The following ADGRG7 variants were observed in gnomAD, a reference collection of about 807,000 sequenced individuals.
ADGRG7 encodes the protein G-protein coupled receptor 128.
A neutral mutation model predicts 88.6 loss-of-function variants in ADGRG7; 82 were observed. The ratio of observed to expected loss-of-function variants is 0.93; its 90% CI spans 0.77 to 1.11. The LOEUF is 1.11. Ranked by LOEUF, ADGRG7 falls within the 50% of genes most tolerant of loss-of-function variation. The pLI, the probability that ADGRG7 is intolerant of heterozygous loss-of-function variation, is 0.00. For missense variants in ADGRG7, 945 were observed against 953.4 expected (o/e 0.99, Z 0.12); for synonymous variants, 381 against 345.2 (o/e 1.10, Z -1.15).
intron 15 of ADGRG7, among the ~76,000 whole-genome samples, chr3:100,682,088 G>A (rs1022577373): frequency 1.3e-5 from 2 of 152,278 alleles, no homozygotes; most frequent in East Asian, 3.9e-4. Context: ...GGGTACAGGC[G>A]CAGGCTGTGG....
chr3:100,678,829 T>C (rs1369342794), intron 15 of ADGRG7, among the ~76,000 whole-genome samples: 1 of 152,216 alleles, frequency 6.6e-6, no homozygotes, highest in East Asian at 1.9e-4. Context: ...TCTCTCTCTC[T>C]GTGCTGAGCT....
chr3:100,661,745 CTGTATA>C (rs1341126349), intron 14 of ADGRG7, among the ~76,000 whole-genome samples: 1 of 152,118 alleles, frequency 6.6e-6, no homozygotes, highest in East Asian at 1.9e-4. Flanking sequence ...CACAAGATTA[CTGTATA>C]TGAGCACTGA....
At chr3:100,667,037 T>C (rs1026404819) in intron 14 of ADGRG7, among the ~76,000 whole-genome samples, 3 of 152,144 alleles carry the variant, frequency 2.0e-5, no homozygotes, top group Admixed American at 6.6e-5. Flanking sequence ...TGGAGTCTCC[T>C]ATGTCTACTT....
At chr3:100,674,877 C>T (rs1291388998) in intron 15 of ADGRG7, among the ~76,000 whole-genome samples, 2 of 152,012 alleles carry the variant, frequency 1.3e-5, no homozygotes, top group African/African-American at 4.8e-5. Flanking sequence ...GTGCCCAGCC[C>T]TTAATTTCTT....
At position 100,609,654 on chromosome 3, in the gene ADGRG7, G is replaced by A. The variant is rs1576307966; in HGVS notation, c.-203G>A. On this transcript the variant is annotated 5_prime_UTR_variant, in exon 1 of 16. The change abolishes an upstream ATG in the 5' untranslated region. Coordinates refer to ENST00000273352, the MANE Select transcript of ADGRG7 (RefSeq NM_032787.3). ...GATGAGGAAATTGAAAGCAGAGTAT[G>A]CACCTTTTATTAGGAGATTCAAACT... 1.1e-5 allele frequency: 5 copies of A among 464,896 alleles called. No homozygotes were observed. Among genetic ancestry groups the A allele is most frequent in the African/African-American group, 6.0e-5 (3 of 50,196 alleles). 28.8% of individuals were successfully genotyped at this position (464,896 alleles called of 1,614,324 possible).
rs2094962676 is a variant in ADGRG7, at chr3:100,674,638, T to A, written c.2136+5533T>A. Among the ~76,000 whole-genome samples, 4 of 150,566 alleles carry A rather than the reference T, an allele frequency of 2.7e-5. No individual in the cohort carries two copies. The Admixed American group carries it at 2.7e-4, about 10-fold the overall frequency. On this transcript the variant is annotated intron_variant, in intron 15 of 15. Transcript: ENST00000273352. ...TGTCACCCAGGCTGGAGTGCAGTGGTGTAACATCTGCTCACTGCAACCTCC... is the reference window on the plus strand; with the variant it reads ...TGTCACCCAGGCTGGAGTGCAGTGGAGTAACATCTGCTCACTGCAACCTCC...
At chr3:100,655,813 G>A in intron 12 of ADGRG7, 86 bp from the exon 13 acceptor site, 1 of 804,194 alleles carries the variant, frequency 1.2e-6, no homozygotes, top group Non-Finnish European at 2.2e-6. Flanking sequence ...CCTGAAGAGG[G>A]TCAGATGTAT....
intron 5 of ADGRG7, 110 bp from the exon 6 acceptor site, chr3:100,637,192 T>C: frequency 1.4e-6 from 1 of 731,812 alleles, no homozygotes. Context: ...TCCCTCTACA[T>C]TATCATATCA....
intron 15 of ADGRG7, among the ~76,000 whole-genome samples, chr3:100,694,300 G>A (rs981746755): frequency 6.6e-6 from 1 of 152,168 alleles, no homozygotes; most frequent in African/African-American, 2.4e-5. Context: ...GAAAAGCAGT[G>A]ACTAGAAGGG....
intron 15 of ADGRG7, among the ~76,000 whole-genome samples, chr3:100,669,760 C>T (rs1295021681): frequency 2.6e-5 from 4 of 151,666 alleles, no homozygotes; most frequent in African/African-American, 9.7e-5. Context: ...ACTGGCCGGG[C>T]GTGGTGGCTC....
intron 15 of ADGRG7, among the ~76,000 whole-genome samples, chr3:100,687,395 C>T (rs945175474): frequency 1.7e-4 from 26 of 152,026 alleles, no homozygotes; most frequent in Non-Finnish European, 3.2e-4. Context: ...TTGCCCTGGC[C>T]AGAACTTCCA....
chr3:100,623,331 C>G (rs1707339017), intron 1 of ADGRG7, among the ~76,000 whole-genome samples: 1 of 151,980 alleles, frequency 6.6e-6, no homozygotes, highest in Non-Finnish European at 1.5e-5. Context: ...AAAACTTTCC[C>G]TTCTCAATTA....
chr3:100,694,501 C>G (rs779550888), intron 15 of ADGRG7, among the ~76,000 whole-genome samples: 1 of 152,142 alleles, frequency 6.6e-6, no homozygotes, highest in East Asian at 1.9e-4. Context: ...TAGTGGCAAC[C>G]CAGGACCTGA....
chr3:100,656,925 C>G lies in ADGRG7; in HGVS notation c.1823+930C>G, dbSNP rs113699562. ...TTAGGTTTTAAAATTTTAATGCCAC[C>G]AGTAGAAATATCTAATTAGAGATAC... On this transcript the variant is annotated intron_variant, in intron 13 of 15. Transcript: ENST00000273352. 8.6e-3 allele frequency among the ~76,000 whole-genome samples: 1,307 copies of G among 152,214 alleles called. 14 individuals are homozygous for G. The highest frequency in any genetic ancestry group is 0.019 in the African/African-American group (777 of 41,524).
intron 3 of ADGRG7, 134 bp downstream of exon 3, chr3:100,630,943 G>C: frequency 2.5e-6 from 1 of 404,518 alleles, no homozygotes; most frequent in Non-Finnish European, 4.4e-6. Flanking sequence ...ACTCCCTTTC[G>C]TGATGCTAAT....
chr3:100,644,187 TA>T (rs11388624), intron 8 of ADGRG7, among the ~76,000 whole-genome samples: 113 of 150,070 alleles, frequency 7.5e-4, no homozygotes, highest in African/African-American at 2.5e-3. Flanking sequence ...TTTCAAAATC[TA>T]AAAAAAAAAT....
intron 1 of ADGRG7, among the ~76,000 whole-genome samples, chr3:100,625,755 T>C (rs1707371880): frequency 6.6e-6 from 1 of 152,216 alleles, no homozygotes; most frequent in African/African-American, 2.4e-5. Context: ...TGAATTTTTA[T>C]TGAAGTCCTT....
chr3:100,630,891 G>A (rs1272314871), intron 3 of ADGRG7, 82 bp downstream of exon 3: 4 of 632,392 alleles, frequency 6.3e-6, no homozygotes, highest in Non-Finnish European at 1.0e-5. Flanking sequence ...ACTAGTGTTA[G>A]GTCCCTGAAG....
chr3:100,651,528 C>T lies in ADGRG7; in HGVS notation c.1379+1721C>T, dbSNP rs193242827. 1.5e-3 allele frequency among the ~76,000 whole-genome samples: 226 copies of T among 152,146 alleles called. 2 individuals are homozygous for T. The highest frequency in any genetic ancestry group is 1.3e-3 in the Non-Finnish European group (85 of 67,988). ...CACAATTATGCAACCAAAGATACCACTAAAATTCATCAGGAAACAAAAATA... is the reference window on the plus strand; with the variant it reads ...CACAATTATGCAACCAAAGATACCATTAAAATTCATCAGGAAACAAAAATA... On this transcript the variant is annotated intron_variant, in intron 11 of 15. Transcript: ENST00000273352.
Sources: allele counts gnomAD v4.1 joint callset (sites outside exome capture counted in the v4.1 genomes callset), GRCh38; gene constraint gnomAD v4.1.1; transcripts MANE v1.5; gene names NCBI Gene and HGNC (gene_info 2026-07-23, HGNC 2026-07-21).